TCF4: variants seen among roughly 807,000 people sequenced by gnomAD.
TCF4 encodes SL3-3 enhancer factor 2.
Under a neutral mutation model 82.1 loss-of-function variants are expected in TCF4, and 3 were observed. The observed-to-expected ratio is 0.04, with a 90% CI of 0.02 to 0.09. The LOEUF is 0.09. TCF4 is among the 10% of genes least tolerant of loss of function. The pLI is 1.00. For synonymous variants in TCF4, 276 were observed against 309.6 expected, an observed-to-expected ratio of 0.89 and a Z score of 1.14; for missense variants, 518 against 852.7, an observed-to-expected ratio of 0.61 and a Z score of 4.89.
intron 3 of TCF4, among the ~76,000 whole-genome samples, chr18:55,546,589 A>G (rs2097209384): frequency 6.6e-6 from 1 of 152,166 alleles, no homozygotes; most frequent in Non-Finnish European, 1.5e-5. Flanking sequence ...TTTGTTTTTC[A>G]ATAACAAAAG....
At chr18:55,263,023 C>G (rs140290267) in intron 11 of TCF4, among the ~76,000 whole-genome samples, 4,937 of 152,226 alleles carry the variant, frequency 0.032, 261 homozygotes, top group African/African-American at 0.11. Context: ...TCAGGCTGGT[C>G]TCGAACTCCT....
chr18:55,258,837 C>T (rs903057613), intron 13 of TCF4, among the ~76,000 whole-genome samples: 2 of 152,076 alleles, frequency 1.3e-5, no homozygotes, highest in Non-Finnish European at 2.9e-5. Flanking sequence ...AGGAGTACAA[C>T]AATACTGAAC....
At chr18:55,473,125 AATTT>A (rs1487252150) in intron 3 of TCF4, among the ~76,000 whole-genome samples, 1 of 152,190 alleles carries the variant, frequency 6.6e-6, no homozygotes, top group Non-Finnish European at 1.5e-5. Flanking sequence ...TTTGGTAAAT[AATTT>A]ATTGAATTTA....
chr18:55,566,494 C>T (rs1027977056), intron 3 of TCF4, among the ~76,000 whole-genome samples: 1 of 151,640 alleles, frequency 6.6e-6, no homozygotes, highest in African/African-American at 2.4e-5. Flanking sequence ...GACAGAATCA[C>T]AAAAATGAAC....
At chr18:55,302,062 C>T (rs1436652883) in intron 8 of TCF4, among the ~76,000 whole-genome samples, 1 of 152,176 alleles carries the variant, frequency 6.6e-6, no homozygotes, top group Non-Finnish European at 1.5e-5. Flanking sequence ...ATTAATAAGG[C>T]CTATTAACTC....
chr18:55,583,320 T>C (rs1269764207), intron 3 of TCF4, among the ~76,000 whole-genome samples: 1 of 152,074 alleles, frequency 6.6e-6, no homozygotes, highest in Admixed American at 6.6e-5. Flanking sequence ...CAGGTTTGCA[T>C]GCATGAACAT....
At chr18:55,385,078 T>C (rs945533505) in intron 6 of TCF4, among the ~76,000 whole-genome samples, 2 of 151,634 alleles carry the variant, frequency 1.3e-5, no homozygotes, top group Admixed American at 1.3e-4. Context: ...GTCTCACTTC[T>C]CTATTGGTTT....
chr18:55,593,790 T>G (rs2097688136), intron 2 of TCF4, among the ~76,000 whole-genome samples: 2 of 152,030 alleles, frequency 1.3e-5, no homozygotes, highest in Non-Finnish European at 1.5e-5. Context: ...GCATCTACCT[T>G]GTGTCAGCAG....
intron 2 of TCF4, among the ~76,000 whole-genome samples, chr18:55,630,392 C>A (rs1387250551): frequency 1.3e-5 from 2 of 152,072 alleles, no homozygotes; most frequent in Non-Finnish European, 2.9e-5. Flanking sequence ...CTGTGCTAGA[C>A]ACTGGGAATT....
Position 55,464,519 on chromosome 18 carries a change from C to T in TCF4, c.146-382G>A, listed in dbSNP as rs569334410. Among the ~76,000 whole-genome samples the T allele has an allele frequency of 2.0e-5, 3 of 152,292 alleles. No homozygotes were observed. In the East Asian group the frequency reaches 5.8e-4, roughly 29 times the overall value. On this transcript the variant is annotated intron_variant, in intron 3 of 19. Transcript: ENST00000354452. ...AAAGTTAAATTAAGGTAAATATCCA[C>T]ACTAACACCTTTAGCATCCTCGCCA...
intron 8 of TCF4, among the ~76,000 whole-genome samples, chr18:55,283,283 G>T (rs1396984919): frequency 2.0e-5 from 3 of 147,202 alleles, no homozygotes; most frequent in Admixed American, 6.7e-5. Context: ...ACTCATCAAA[G>T]AAAAAAAAAT....
At chr18:55,456,002 C>A (rs1253979823) in intron 5 of TCF4, among the ~76,000 whole-genome samples, 1 of 152,206 alleles carries the variant, frequency 6.6e-6, no homozygotes, top group Non-Finnish European at 1.5e-5. Flanking sequence ...ACTGTGGCAC[C>A]TGCTTCTGCC....
chr18:55,386,201 G>C (rs2145993401), intron 6 of TCF4, among the ~76,000 whole-genome samples: 1 of 152,256 alleles, frequency 6.6e-6, no homozygotes, highest in South Asian at 2.1e-4. Flanking sequence ...TGACTACATT[G>C]CCAGAATGCC....
At chr18:55,483,122 G>A (rs531843450) in intron 3 of TCF4, among the ~76,000 whole-genome samples, 7 of 152,266 alleles carry the variant, frequency 4.6e-5, no homozygotes, top group Non-Finnish European at 2.9e-5. Context: ...AGGCACCCTC[G>A]GCGACTCTTG....
rs769663296 is a variant in TCF4, at chr18:55,461,036, A to C, written c.287T>G (p.Val96Gly). Reference sequence around the variant, plus strand: ...GGTCTTACTTTGTATTCTGGAATTGACAAAAGGTGGAGAGAGATTGTCATG... The same window carrying C: ...GGTCTTACTTTGTATTCTGGAATTGCCAAAAGGTGGAGAGAGATTGTCATG... The part of the protein sequence containing the change: ...GSHDNLSPPF[V>G]NSRIQSKTER... Residue 96 changes from valine (V) to glycine (G), a missense_variant, in exon 5 of 20, where the codon GTC (valine) becomes GGC (glycine). Around this residue, in one of 7 missense-constraint regions of TCF4, gnomAD observed 80 missense variants for 93.8 expected, o/e 0.85. Transcript: ENST00000354452. 6.2e-6 allele frequency: 10 copies of C among 1,613,296 alleles called. No homozygotes were observed. Among genetic ancestry groups the C allele is most frequent in the Non-Finnish European group, 8.5e-6 (10 of 1,179,472 alleles).
chr18:55,340,583 CAAAAAAAAAA>C (rs11428164), intron 8 of TCF4, among the ~76,000 whole-genome samples: 2 of 65,454 alleles, frequency 3.1e-5, no homozygotes, highest in Admixed American at 3.0e-4. Flanking sequence ...GACCCCATCT[CAAAAAAAAAA>C]AAAAAAAAAA....
chr18:55,421,044 G>A (rs1299908956), intron 5 of TCF4, among the ~76,000 whole-genome samples: 1 of 151,934 alleles, frequency 6.6e-6, no homozygotes, highest in Non-Finnish European at 1.5e-5. Flanking sequence ...CTACCATCTG[G>A]ATGGGCAGTT....
At chr18:55,292,475 A>G (rs1400695520) in intron 8 of TCF4, among the ~76,000 whole-genome samples, 2 of 152,206 alleles carry the variant, frequency 1.3e-5, no homozygotes, top group Non-Finnish European at 1.5e-5. Flanking sequence ...ACACAACAAA[A>G]GGCTCAGGAT....
At chr18:55,344,473 C>T (rs2080722956) in intron 8 of TCF4, among the ~76,000 whole-genome samples, 1 of 151,866 alleles carries the variant, frequency 6.6e-6, no homozygotes, top group Admixed American at 6.6e-5. Flanking sequence ...GTAATTTAAA[C>T]CACTCTCGAG....
Sources: gnomAD v4.1 joint callset for allele counts (sites outside exome capture counted in the v4.1 genomes callset) on GRCh38, gnomAD v4.1.1 for gene constraint, gnomAD v4.1.1 regional missense constraint, MANE v1.5 for transcripts, NCBI Gene and HGNC (gene_info 2026-07-23, HGNC 2026-07-21) for gene names.